Variants in TPTE observed in about 807,000 individuals in gnomAD.
TPTE encodes transmembrane phosphatase with tensin homology, also known as putative tyrosine-protein phosphatase TPTE.
A neutral mutation model predicts 84.1 loss-of-function variants in TPTE; 59 were observed. That is an observed-to-expected ratio of 0.70 (90% CI 0.57 to 0.87). The LOEUF is 0.87. Ranked by LOEUF, TPTE falls within the 40% of genes least tolerant of loss-of-function variation. TPTE has a pLI of 0.00. For synonymous variants in TPTE, 130 were observed against 223.5 expected, an observed-to-expected ratio of 0.58 and a Z score of 3.73; for missense variants, 382 against 659.6, an observed-to-expected ratio of 0.58 and a Z score of 4.61.
intron 17 of TPTE, among the ~76,000 whole-genome samples, chr21:10,585,586 GT>G (rs1174571251): frequency 6.6e-6 from 1 of 152,280 alleles, no homozygotes; most frequent in African/African-American, 2.4e-5. Context: ...CTTTCTCATA[GT>G]TTTTTCAAAT....
At chr21:10,558,332 C>CTT (rs1354906005) in intron 8 of TPTE, among the ~76,000 whole-genome samples, 2 of 152,308 alleles carry the variant, frequency 1.3e-5, no homozygotes, top group African/African-American at 4.8e-5. Context: ...TGCCATAGTA[C>CTT]TTTTTACAGT....
chr21:10,594,913 G>A (rs1482307654), intron 19 of TPTE, among the ~76,000 whole-genome samples: 2 of 152,312 alleles, frequency 1.3e-5, no homozygotes, highest in African/African-American at 4.8e-5. Context: ...CTACTCCTAA[G>A]TTAAGGACTT....
chr21:10,570,938 G>A (rs1255370933), intron 14 of TPTE, among the ~76,000 whole-genome samples: 133 of 151,958 alleles, frequency 8.8e-4, no homozygotes, highest in African/African-American at 3.1e-3. Context: ...AAGAGCCACT[G>A]CATGCTAAAT....
At chr21:10,538,830 C>T in intron 4 of TPTE, 96 bp downstream of exon 4, 1 of 1,612,002 alleles carries the variant, frequency 6.2e-7, no homozygotes, top group South Asian at 1.1e-5. Context: ...ATCCATCCAT[C>T]CATCCATGCA....
At chr21:10,541,362 C>T (rs534030851) in intron 5 of TPTE, among the ~76,000 whole-genome samples, 197 bp downstream of exon 5, 40 of 152,400 alleles carry the variant, frequency 2.6e-4, no homozygotes, top group African/African-American at 9.4e-4. Flanking sequence ...ATCCCAGCTA[C>T]TCAGGAGACT....
chr21:10,549,354 T>C (rs1460683065), intron 7 of TPTE, among the ~76,000 whole-genome samples: 3 of 152,300 alleles, frequency 2.0e-5, no homozygotes, highest in African/African-American at 7.2e-5. Context: ...AAATAATAAT[T>C]ATCCAGTAAT....
intron 8 of TPTE, among the ~76,000 whole-genome samples, chr21:10,554,713 C>T (rs966685962): frequency 6.6e-6 from 1 of 152,310 alleles, no homozygotes. Flanking sequence ...TCAGAAAGTC[C>T]TTCTCACCCC....
rs2074322655 is a variant in TPTE, at chr21:10,539,210, G to A, written c.11+476G>A. Among the ~76,000 whole-genome samples the A allele has an allele frequency of 3.3e-5, 5 of 152,426 alleles. No homozygotes were observed. In the South Asian group the frequency reaches 1.0e-3, roughly 32 times the overall value. ...AGAAAATCCTATTTGCAACATGGAG[G>A]AGATAGCAGCTGACAAGGAGCAGTG... is the stretch of plus-strand genomic sequence containing the variant. On this transcript the variant is annotated intron_variant, in intron 4 of 23. Transcript: ENST00000618007.
chr21:10,557,168 G>A (rs1850507083), intron 8 of TPTE, among the ~76,000 whole-genome samples: 1 of 152,306 alleles, frequency 6.6e-6, no homozygotes, highest in Admixed American at 6.5e-5. Flanking sequence ...ATTGTTTTTA[G>A]GAAAGGTACA....
At chr21:10,552,461 A>G (rs1284696124) in intron 7 of TPTE, among the ~76,000 whole-genome samples, 196 bp from the exon 8 acceptor site, 3 of 152,308 alleles carry the variant, frequency 2.0e-5, no homozygotes, top group Non-Finnish European at 4.4e-5. Flanking sequence ...CAGTGTTGGG[A>G]GTATCCATGA....
At position 10,605,602 on chromosome 21, in the gene TPTE, C is replaced by G; in HGVS notation, c.*50C>G. The G allele has an allele frequency of 6.2e-7, 1 of 1,613,250 alleles. No individual in the cohort carries two copies. Among genetic ancestry groups the G allele is most frequent in the South Asian group, 1.1e-5 (1 of 90,826 alleles). On this transcript the variant is annotated 3_prime_UTR_variant, in exon 24 of 24. Transcript: ENST00000618007. ...GGAAAGAATTATGTTCTTTCCAACC[C>G]TGCCACATGTTCATATATCCTAAAT... is the stretch of plus-strand genomic sequence containing the variant.
At chr21:10,601,945 G>A (rs1262861702) in intron 21 of TPTE, 113 bp from the exon 22 acceptor site, 4 of 1,126,348 alleles carry the variant, frequency 3.6e-6, no homozygotes, top group East Asian at 2.4e-5. Context: ...TAGTGATTGG[G>A]CTGTGAGACC....
At chr21:10,593,159 A>T (rs60352223) in intron 19 of TPTE, among the ~76,000 whole-genome samples, 1,615 of 149,408 alleles carry the variant, frequency 0.011, no homozygotes, top group African/African-American at 0.04. Flanking sequence ...CCCCAACCCC[A>T]CTCTCCACTC....
intron 10 of TPTE, among the ~76,000 whole-genome samples, chr21:10,563,087 A>T (rs1387765537): frequency 1.3e-5 from 2 of 152,310 alleles, no homozygotes. Context: ...GTTTCAGGCC[A>T]GGAGAGAGTG....
intron 20 of TPTE, 108 bp from the exon 21 acceptor site, chr21:10,597,897 TTGATACATTG>T: frequency 1.5e-6 from 2 of 1,353,674 alleles, no homozygotes. Context: ...TAAGTGACTA[TTGATACATTG>T]TTAGCTTGGA....
At chr21:10,525,993 A>G (rs1388545672) in intron 2 of TPTE, among the ~76,000 whole-genome samples, 3 of 152,304 alleles carry the variant, frequency 2.0e-5, no homozygotes, top group Non-Finnish European at 4.4e-5. Context: ...TCTAGTAATC[A>G]TTTAATAAGG....
intron 14 of TPTE, among the ~76,000 whole-genome samples, chr21:10,571,016 C>A (rs547251363): frequency 2.5e-4 from 38 of 152,338 alleles, no homozygotes; most frequent in Non-Finnish European, 4.9e-4. Context: ...ACCCCCTTCA[C>A]CAGCAGAGCC....
intron 18 of TPTE, 47 bp downstream of exon 18, chr21:10,590,570 C>T (rs1286108082): frequency 2.5e-6 from 4 of 1,611,800 alleles, no homozygotes; most frequent in South Asian, 2.2e-5. Context: ...ATTGAGTTTG[C>T]TAGTTCTGAA....
intron 19 of TPTE, among the ~76,000 whole-genome samples, chr21:10,595,399 A>C (rs1430080170): frequency 1.3e-5 from 2 of 152,310 alleles, no homozygotes; most frequent in Non-Finnish European, 2.9e-5. Context: ...ACCTTGAAGA[A>C]AGATTCAGGG....
Sources: gnomAD v4.1 joint callset for allele counts (sites outside exome capture counted in the v4.1 genomes callset) on GRCh38, gnomAD v4.1.1 for gene constraint, MANE v1.5 for transcripts, NCBI Gene and HGNC (gene_info 2026-07-23, HGNC 2026-07-21) for gene names.